The following CPPED1 variants were observed in gnomAD, a reference collection of about 807,000 sequenced individuals.
CPPED1 encodes the protein serine/threonine-protein phosphatase CPPED1.
In CPPED1, 28 loss-of-function variants were observed where a neutral mutation model predicts 28.0. The ratio of observed to expected loss-of-function variants is 1.00; its 90% CI spans 0.74 to 1.37. CPPED1 has a LOEUF of 1.37. CPPED1 is among the 40% of genes most tolerant of loss of function. CPPED1 has a pLI of 0.00. For missense variants in CPPED1, 504 were observed against 416.5 expected (o/e 1.21, Z -1.83); for synonymous variants, 198 against 180.2 (o/e 1.10, Z -0.79).
chr16:12,779,451 C>T (rs529010843), intron 2 of CPPED1, among the ~76,000 whole-genome samples: 3 of 151,858 alleles, frequency 2.0e-5, no homozygotes, highest in Admixed American at 6.6e-5. Context: ...TGCAGTGGCG[C>T]GATCTCAGCT....
chr16:12,724,879 C>G (rs141691793), intron 2 of CPPED1, among the ~76,000 whole-genome samples: 1 of 152,014 alleles, frequency 6.6e-6, no homozygotes, highest in African/African-American at 2.4e-5. Flanking sequence ...CTCAGCCTCT[C>G]GGGTTCACGC....
intron 1 of CPPED1, among the ~76,000 whole-genome samples, chr16:12,800,309 A>G (rs1314014156): frequency 6.6e-6 from 1 of 152,006 alleles, no homozygotes; most frequent in Non-Finnish European, 1.5e-5. Flanking sequence ...ATGGTGGTAC[A>G]TGCCTGTAAT....
At chr16:12,713,158 G>A (rs1294093499) in intron 2 of CPPED1, among the ~76,000 whole-genome samples, 1 of 151,868 alleles carries the variant, frequency 6.6e-6, no homozygotes, top group Non-Finnish European at 1.5e-5. Context: ...ATAAAAAATT[G>A]TGCTCAGGAC....
chr16:12,745,790 T>C (rs748348467), intron 2 of CPPED1: 9 of 152,216 alleles, frequency 5.9e-5, no homozygotes, highest in Non-Finnish European at 1.2e-4. Context: ...AGTTAAAATA[T>C]GCAACAATAG....
At chr16:12,690,016 T>C (rs2079954052) in intron 3 of CPPED1, among the ~76,000 whole-genome samples, 1 of 152,246 alleles carries the variant, frequency 6.6e-6, no homozygotes, top group Admixed American at 6.5e-5. Context: ...CCATAATTTG[T>C]CTCTTTTCTC....
At chr16:12,770,498 T>A (rs2080463710) in intron 2 of CPPED1, among the ~76,000 whole-genome samples, 1 of 152,114 alleles carries the variant, frequency 6.6e-6, no homozygotes, top group Non-Finnish European at 1.5e-5. Flanking sequence ...CACACAACAA[T>A]GTGCACAGTA....
At chr16:12,700,578 G>T (rs1211554560) in intron 3 of CPPED1, among the ~76,000 whole-genome samples, 1 of 152,198 alleles carries the variant, frequency 6.6e-6, no homozygotes, top group Non-Finnish European at 1.5e-5. Context: ...TTTCAGTAGA[G>T]ACAGGGTTTC....
At chr16:12,748,608 G>A (rs910395394) in intron 2 of CPPED1, among the ~76,000 whole-genome samples, 31 of 152,122 alleles carry the variant, frequency 2.0e-4, no homozygotes, top group African/African-American at 7.0e-4. Context: ...AAGACTGGCC[G>A]GGCGCGGTGG....
At chr16:12,695,070 A>G (rs994986721) in intron 3 of CPPED1, among the ~76,000 whole-genome samples, 1 of 152,026 alleles carries the variant, frequency 6.6e-6, no homozygotes, top group Non-Finnish European at 1.5e-5. Context: ...GAGCCACCAC[A>G]CTCAGCCTAA....
rs1352656719 is a variant in CPPED1 at position 12,664,543 on chromosome 16, A to G, written c.*343T>C. On this transcript the variant is annotated 3_prime_UTR_variant, in exon 4 of 4. Coordinates refer to ENST00000381774, the MANE Select transcript of CPPED1 (RefSeq NM_018340.3). This position sits in a 1 kb window ranked among gnomAD's most constrained non-coding sequence, Gnocchi z 4.2. ...GGCTGTCAGATTGGAATTGAGGTCG[A>G]TAGGCAGACTTTGACCATATGCTAA... 1.6e-5 allele frequency: 17 copies of G among 1,090,832 alleles called. No individual in the cohort carries two copies. The highest frequency in any genetic ancestry group is 1.9e-5 in the Non-Finnish European group (17 of 897,710). 67.6% of individuals were successfully genotyped at this position (1,090,832 alleles called of 1,614,324 possible). A position where few individuals can be genotyped will look rare whatever the true frequency, so the allele number is the denominator to read the frequency against.
chr16:12,671,897 A>G (rs1220430040), intron 3 of CPPED1, among the ~76,000 whole-genome samples: 1 of 152,128 alleles, frequency 6.6e-6, no homozygotes, highest in African/African-American at 2.4e-5. Flanking sequence ...CGTTTTAGTC[A>G]GTGATGGACG....
At chr16:12,739,862 C>T (rs1278815499) in intron 2 of CPPED1, among the ~76,000 whole-genome samples, 2 of 152,074 alleles carry the variant, frequency 1.3e-5, no homozygotes, top group African/African-American at 4.8e-5. Flanking sequence ...TTCCTGCCTT[C>T]TTCTCTTAAA....
chr16:12,719,250 G>A (rs2080124778), intron 2 of CPPED1, among the ~76,000 whole-genome samples: 1 of 152,176 alleles, frequency 6.6e-6, no homozygotes, highest in African/African-American at 2.4e-5. Context: ...AATTAGCCAG[G>A]TGCGGTGGCG....
chr16:12,693,741 C>A (rs1184052516), intron 3 of CPPED1, among the ~76,000 whole-genome samples: 9 of 152,162 alleles, frequency 5.9e-5, no homozygotes. Context: ...TGGAATTTTA[C>A]AAAGGAATCT....
chr16:12,693,407 G>C (rs534687279), intron 3 of CPPED1, among the ~76,000 whole-genome samples: 1 of 152,200 alleles, frequency 6.6e-6, no homozygotes, highest in East Asian at 1.9e-4. Context: ...TGTTGCCTAG[G>C]CTGGTCTCGA....
intron 3 of CPPED1, among the ~76,000 whole-genome samples, chr16:12,674,244 C>T (rs930739663): frequency 2.0e-5 from 3 of 152,020 alleles, no homozygotes; most frequent in African/African-American, 7.2e-5. Context: ...AGGCAGGGGA[C>T]GAAAGTCTGT....
chr16:12,694,318 G>C (rs1596448736), intron 3 of CPPED1, among the ~76,000 whole-genome samples: 1 of 152,144 alleles, frequency 6.6e-6, no homozygotes. Flanking sequence ...GCCTAGCGTG[G>C]GATCCATGCT....
chr16:12,697,747 A>G (rs1323893585), intron 3 of CPPED1, among the ~76,000 whole-genome samples: 1 of 152,120 alleles, frequency 6.6e-6, no homozygotes, highest in Admixed American at 6.6e-5. Flanking sequence ...ACAAAGCCCA[A>G]AATATTTACT....
chr16:12,774,727 G>A (rs1204649923), intron 2 of CPPED1, among the ~76,000 whole-genome samples: 1 of 152,204 alleles, frequency 6.6e-6, no homozygotes, highest in Non-Finnish European at 1.5e-5. Context: ...ATGCCCTCAT[G>A]AATGGATGAG....
Sources: allele counts gnomAD v4.1 joint callset (sites outside exome capture counted in the v4.1 genomes callset), GRCh38; gene constraint gnomAD v4.1.1; non-coding constraint Gnocchi (gnomAD v3.1); transcripts MANE v1.5; gene names NCBI Gene and HGNC (gene_info 2026-07-23, HGNC 2026-07-21).